Variants in GNG7 observed in about 807,000 individuals in gnomAD.
The protein encoded by GNG7 is guanine nucleotide-binding protein G(I)/G(S)/G(O) subunit gamma-7.
A neutral mutation model predicts 4.0 loss-of-function variants in GNG7; 1 was observed. The observed-to-expected ratio is 0.25, with a 90% confidence interval of 0.09 to 1.18. The LOEUF is 1.18. Among genes scored for constraint, GNG7 ranks in the 50% most tolerant of loss-of-function variants. GNG7 has a pLI of 0.50. For missense variants in GNG7, 86 were observed against 91.9 expected (o/e 0.94, Z 0.26); for synonymous variants, 34 against 36.9 (o/e 0.92, Z 0.29).
chr19:2,674,655 C>T (rs947094886), intron 1 of GNG7, among the ~76,000 whole-genome samples: 1 of 152,136 alleles, frequency 6.6e-6, no homozygotes, highest in Non-Finnish European at 1.5e-5. Flanking sequence ...AGGCTGGTCT[C>T]GAACTCCTGA....
intron 1 of GNG7, among the ~76,000 whole-genome samples, chr19:2,665,361 TG>T (rs145443709): frequency 0.092 from 12,246 of 132,534 alleles, 707 homozygotes; most frequent in African/African-American, 0.18. Context: ...CAGTGTCCCC[TG>T]GGGGGGGGGG....
intron 2 of GNG7, among the ~76,000 whole-genome samples, chr19:2,587,510 G>A (rs1980710285): frequency 6.6e-6 from 1 of 152,188 alleles, no homozygotes; most frequent in Non-Finnish European, 1.5e-5. Context: ...GGATGGCAGA[G>A]GCTCTGGCCG....
At chr19:2,583,998 A>G (rs1980572621) in intron 2 of GNG7, among the ~76,000 whole-genome samples, 1 of 152,190 alleles carries the variant, frequency 6.6e-6, no homozygotes, top group Non-Finnish European at 1.5e-5. Context: ...TTAACAGTAC[A>G]TGTTTGGAAG....
intron 3 of GNG7, chr19:2,538,584 T>A: frequency 2.6e-6 from 1 of 384,264 alleles, no homozygotes; most frequent in South Asian, 2.0e-5. Context: ...TGAGCTATGA[T>A]TGCACCGCTG....
rs551786828 is a variant in GNG7 at position 2,647,835 on chromosome 19, C to T, written c.-134-1555G>A. Among the ~76,000 whole-genome samples, 4 of 151,960 alleles carry T rather than the reference C, an allele frequency of 2.6e-5. 1 individual carries two copies. The highest frequency in any genetic ancestry group is 9.7e-5 in the African/African-American group (4 of 41,442). On this transcript the variant is annotated intron_variant, in intron 1 of 4. Coordinates refer to ENST00000382159, the MANE Select transcript of GNG7 (RefSeq NM_052847.3). ...CTGAGGTCACGAGTTCGAGACCAGCCGGGTCAACATGTTGAAATCCTGTCT... is the reference window on the plus strand; with the variant it reads ...CTGAGGTCACGAGTTCGAGACCAGCTGGGTCAACATGTTGAAATCCTGTCT...
intron 1 of GNG7, among the ~76,000 whole-genome samples, chr19:2,650,281 G>A (rs1482227646): frequency 6.7e-6 from 1 of 148,644 alleles, no homozygotes; most frequent in African/African-American, 2.5e-5. Flanking sequence ...CACCTCCCGA[G>A]TTCAAGCGAT....
At chr19:2,691,230 A>G (rs1913128568) in intron 1 of GNG7, among the ~76,000 whole-genome samples, 2 of 152,186 alleles carry the variant, frequency 1.3e-5, no homozygotes, top group African/African-American at 4.8e-5. Context: ...TTAATGCAAT[A>G]AAAGAATCAT....
intron 2 of GNG7, among the ~76,000 whole-genome samples, chr19:2,598,316 G>A (rs1004548729): frequency 1.2e-4 from 18 of 152,092 alleles, no homozygotes; most frequent in African/African-American, 3.9e-4. Flanking sequence ...CTGAGGTCAG[G>A]AGTTCGAGAC....
At chr19:2,586,044 G>T (rs1024280891) in intron 2 of GNG7, among the ~76,000 whole-genome samples, 4 of 152,152 alleles carry the variant, frequency 2.6e-5, no homozygotes, top group Non-Finnish European at 5.9e-5. Flanking sequence ...TTAAATCTTT[G>T]TGAGTTTTCT....
At chr19:2,596,033 CG>C (rs1568256753) in intron 2 of GNG7, among the ~76,000 whole-genome samples, 1 of 148,630 alleles carries the variant, frequency 6.7e-6, no homozygotes. Flanking sequence ...GCAACGCTTA[CG>C]AAAACCAAGG....
chr19:2,539,146 T>C (rs888984883), intron 3 of GNG7, among the ~76,000 whole-genome samples: 1 of 152,200 alleles, frequency 6.6e-6, no homozygotes, highest in Non-Finnish European at 1.5e-5. Context: ...TTAGTAATTT[T>C]TCATATATTG....
intron 2 of GNG7, among the ~76,000 whole-genome samples, chr19:2,607,670 C>A (rs981758687): frequency 6.6e-6 from 1 of 151,880 alleles, no homozygotes; most frequent in African/African-American, 2.4e-5. Context: ...CACATAAAAC[C>A]CACTTGGGGC....
At chr19:2,674,680 C>G (rs1057102385) in intron 1 of GNG7, among the ~76,000 whole-genome samples, 1 of 152,202 alleles carries the variant, frequency 6.6e-6, no homozygotes, top group African/African-American at 2.4e-5. Flanking sequence ...AGGTGATCCA[C>G]CCGCCTTGGC....
intron 3 of GNG7, among the ~76,000 whole-genome samples, chr19:2,536,136 G>A (rs138340882): frequency 4.9e-4 from 74 of 152,128 alleles, no homozygotes; most frequent in African/African-American, 1.7e-3. Flanking sequence ...AAGAAAAGAA[G>A]GCCGGGCGCG....
intron 1 of GNG7, among the ~76,000 whole-genome samples, chr19:2,698,779 C>A (rs16991296): frequency 0.11 from 17,347 of 152,016 alleles, 2,302 homozygotes; most frequent in African/African-American, 0.33. Flanking sequence ...CCACTACTAT[C>A]GGTGAACAAG....
At chr19:2,599,087 C>G (rs370346061) in intron 2 of GNG7, among the ~76,000 whole-genome samples, 2 of 152,190 alleles carry the variant, frequency 1.3e-5, no homozygotes, top group East Asian at 3.9e-4. Context: ...CCAATGTCAC[C>G]GGGCTGTGCT....
chr19:2,549,521 C>T (rs1599384720), intron 3 of GNG7, among the ~76,000 whole-genome samples: 1 of 152,232 alleles, frequency 6.6e-6, no homozygotes, highest in South Asian at 2.1e-4. Flanking sequence ...GAACTCCTGA[C>T]CTTGTGATCC....
intron 3 of GNG7, among the ~76,000 whole-genome samples, chr19:2,545,649 TA>T (rs34706450): frequency 0.12 from 11,048 of 90,472 alleles, 1,224 homozygotes; most frequent in African/African-American, 0.34. Context: ...GAAACTGTCT[TA>T]AAAAAAAAAA....
chr19:2,636,379 G>A (rs1220405169), intron 2 of GNG7, among the ~76,000 whole-genome samples: 1 of 152,146 alleles, frequency 6.6e-6, no homozygotes, highest in African/African-American at 2.4e-5. Flanking sequence ...TCCACAGCCA[G>A]TTCTCACCCT....
Sources: gnomAD v4.1 joint callset for allele counts (sites outside exome capture counted in the v4.1 genomes callset) on GRCh38, gnomAD v4.1.1 for gene constraint, MANE v1.5 for transcripts, NCBI Gene and HGNC (gene_info 2026-07-23, HGNC 2026-07-21) for gene names.